Variants in DOCK2 observed in about 807,000 individuals in gnomAD.
DOCK2 encodes dedicator of cytokinesis 2, also known as dedicator of cytokinesis protein 2.
Under a neutral mutation model 248.9 loss-of-function variants are expected in DOCK2, and 87 were observed. The observed-to-expected ratio is 0.35, with a 90% confidence interval of 0.29 to 0.42. The LOEUF is 0.42. Ranked by LOEUF, DOCK2 falls within the 10% of genes least tolerant of loss-of-function variation. The pLI is 1.00. For synonymous variants in DOCK2, 805 were observed against 821.6 expected (o/e 0.98, Z 0.35); for missense variants, 1,747 against 2,300.2 (o/e 0.76, Z 4.92).
At chr5:169,708,066 G>T (rs987723178) in intron 14 of DOCK2, 103 bp from the exon 15 acceptor site, 4 of 1,188,976 alleles carry the variant, frequency 3.4e-6, no homozygotes, top group Non-Finnish European at 4.9e-6. Flanking sequence ...GGCAGGGTTG[G>T]CCCAGGCCCT....
At position 169,909,439 on chromosome 5, in the gene DOCK2, G is replaced by GT. The variant is rs955897690; in HGVS notation, c.2799+68593dup. ...TTGCAATGAATTTAAAAAAATCTAAGTTTTTTCTTTTTGAAGAAGAAAGTC... is the reference window on the plus strand; with the variant it reads ...TTGCAATGAATTTAAAAAAATCTAAGTTTTTTTCTTTTTGAAGAAGAAAGTC... On this transcript the variant is annotated intron_variant, in intron 27 of 51. Coordinates refer to ENST00000520908, the MANE Select transcript of DOCK2 (RefSeq NM_004946.3). Among the ~76,000 whole-genome samples the GT allele has an allele frequency of 1.1e-4, 16 of 152,254 alleles. No individual in the cohort carries two copies. The East Asian group carries it at 2.5e-3, about 24-fold the overall frequency.
At chr5:169,929,838 G>A (rs1775661669) in intron 27 of DOCK2, among the ~76,000 whole-genome samples, 1 of 151,936 alleles carries the variant, frequency 6.6e-6, no homozygotes, top group Admixed American at 6.6e-5. Context: ...CCTTATATGA[G>A]GATAGAAATC....
intron 26 of DOCK2, among the ~76,000 whole-genome samples, chr5:169,833,115 A>T (rs147480089): frequency 2.6e-3 from 392 of 152,274 alleles, no homozygotes; most frequent in African/African-American, 8.8e-3. Flanking sequence ...TGCAAACCCC[A>T]TCCTAAAGCT....
At chr5:169,881,596 A>G (rs1339018577) in intron 27 of DOCK2, among the ~76,000 whole-genome samples, 1 of 152,212 alleles carries the variant, frequency 6.6e-6, no homozygotes, top group Non-Finnish European at 1.5e-5. Flanking sequence ...GAATGTCACG[A>G]CAATAGGAGC....
At chr5:169,785,263 T>C (rs1456338275) in intron 25 of DOCK2, among the ~76,000 whole-genome samples, 1 of 152,202 alleles carries the variant, frequency 6.6e-6, no homozygotes, top group East Asian at 1.9e-4. Flanking sequence ...GAAACTAGTT[T>C]CATTTTTCAG....
intron 30 of DOCK2, among the ~76,000 whole-genome samples, chr5:170,005,476 A>G (rs895283654): frequency 9.2e-5 from 14 of 152,112 alleles, no homozygotes; most frequent in Non-Finnish European, 1.5e-5. Flanking sequence ...GCTACCATCA[A>G]CACCACCACT....
At chr5:169,947,303 G>A (rs923144021) in intron 27 of DOCK2, among the ~76,000 whole-genome samples, 1 of 152,242 alleles carries the variant, frequency 6.6e-6, no homozygotes, top group African/African-American at 2.4e-5. Context: ...GAGGAGATGG[G>A]TCTTGGAATA....
At position 169,637,320 on chromosome 5, in the gene DOCK2, C is replaced by T; in HGVS notation, c.-7C>T. 1 of 1,426,256 alleles carries T rather than the reference C, an allele frequency of 7.0e-7. No individual in the cohort carries two copies. The highest frequency in any genetic ancestry group is 9.2e-7 in the Non-Finnish European group (1 of 1,092,184). The allele number at this position is 1,426,256 out of a possible 1,614,324, so 88.4% of individuals were successfully genotyped here. ...CCCACGGGAGGACGCGAGGCCCCGGCCCAGCCATGGCCCCCTGGCGCAAAG... is the reference window on the plus strand; with the variant it reads ...CCCACGGGAGGACGCGAGGCCCCGGTCCAGCCATGGCCCCCTGGCGCAAAG... On this transcript the variant is annotated 5_prime_UTR_variant, in exon 1 of 52. Transcript: ENST00000520908.
In DOCK2 at chr5:169,825,839, AAAAAC is replaced by A. The variant is rs200941285; in HGVS notation, c.2704-14908_2704-14904del. Among the ~76,000 whole-genome samples, 829 of 149,040 alleles carry A rather than the reference AAAAAC, an allele frequency of 5.6e-3. 7 individuals carry two copies. The highest frequency in any genetic ancestry group is 0.019 in the African/African-American group (761 of 40,734). On this transcript the variant is annotated intron_variant, in intron 26 of 51. Transcript: ENST00000520908. Reference sequence around the variant, plus strand: ...TTGCATAACATTAAAAAAAAAAGAAAAAAACAAAACAAAAAAATCTCTCCTGGAAG... The same window carrying A: ...TTGCATAACATTAAAAAAAAAAGAAAAAAACAAAAAAATCTCTCCTGGAAG...
intron 33 of DOCK2, among the ~76,000 whole-genome samples, chr5:170,023,936 TA>T (rs768621679): frequency 1.1e-4 from 16 of 152,114 alleles, no homozygotes; most frequent in Non-Finnish European, 1.9e-4. Context: ...AACAAGATGA[TA>T]AAAATAGCCA....
Position 170,080,235 on chromosome 5 carries a change from G to A in DOCK2, c.5239G>A (p.Val1747Ile). 1 of 1,614,148 alleles carries A rather than the reference G, an allele frequency of 6.2e-7. No homozygotes were observed. The highest frequency in any genetic ancestry group is 8.5e-7 in the Non-Finnish European group (1 of 1,180,028). The part of the protein sequence containing the change: ...EHAAIPLKAS[V>I]LSQMSFASQS... ...TGCGGCCATCCCCCTCAAGGCGTCT[G>A]TCCTCTCTCAAATGAGCTTTGCCAG... The change falls in exon 50 of 52, where the codon GTC (valine) becomes ATC (isoleucine). Residue 1747 changes from valine (V) to isoleucine (I), a missense_variant. Physicochemically the swap from Val to Ile is conservative, Grantham distance 29. Transcript: ENST00000520908.
chr5:169,805,974 A>C (rs1767330878), intron 26 of DOCK2, among the ~76,000 whole-genome samples: 1 of 152,150 alleles, frequency 6.6e-6, no homozygotes, highest in Non-Finnish European at 1.5e-5. Flanking sequence ...TGTTATCACC[A>C]TTGAATTTGG....
chr5:170,045,649 G>A (rs759192575), intron 38 of DOCK2, among the ~76,000 whole-genome samples, 167 bp from the exon 39 acceptor site: 9 of 152,070 alleles, frequency 5.9e-5, no homozygotes, highest in African/African-American at 1.9e-4. Flanking sequence ...GAGGAAGGTC[G>A]TCCTCTCTAG....
At chr5:169,718,329 A>C (rs1000635351) in intron 21 of DOCK2, among the ~76,000 whole-genome samples, 1 of 152,158 alleles carries the variant, frequency 6.6e-6, no homozygotes, top group Non-Finnish European at 1.5e-5. Flanking sequence ...GTTCTATAGA[A>C]AGAAAAAGTT....
intron 27 of DOCK2, among the ~76,000 whole-genome samples, chr5:169,888,529 G>C (rs1773104043): frequency 6.6e-6 from 1 of 152,186 alleles, no homozygotes; most frequent in Admixed American, 6.5e-5. Context: ...AGTAGATACA[G>C]AAACATTGGA....
chr5:169,884,542 T>C (rs1772859555), intron 27 of DOCK2: 1 of 152,182 alleles, frequency 6.6e-6, no homozygotes, highest in South Asian at 2.1e-4. Context: ...TTTGGGGCCA[T>C]TGTTTTCTTT....
intron 46 of DOCK2, among the ~76,000 whole-genome samples, chr5:170,069,429 C>T (rs545389934): frequency 4.6e-5 from 7 of 152,342 alleles, no homozygotes; most frequent in African/African-American, 1.4e-4. Flanking sequence ...TTGGGTGTTG[C>T]ATGGTGCCAG....
intron 27 of DOCK2, among the ~76,000 whole-genome samples, chr5:169,842,043 A>G (rs1770010849): frequency 6.6e-6 from 1 of 152,248 alleles, no homozygotes; most frequent in Non-Finnish European, 1.5e-5. Flanking sequence ...GGATTGGACC[A>G]TATAGTTGCT....
At chr5:169,813,853 T>A (rs571212626) in intron 26 of DOCK2, among the ~76,000 whole-genome samples, 1 of 152,196 alleles carries the variant, frequency 6.6e-6, no homozygotes, top group Non-Finnish European at 1.5e-5. Flanking sequence ...GGACAATGAG[T>A]TGGGTACCAT....
Sources: gnomAD v4.1 joint callset for allele counts (sites outside exome capture counted in the v4.1 genomes callset) on GRCh38, gnomAD v4.1.1 for gene constraint, MANE v1.5 for transcripts, NCBI Gene and HGNC (gene_info 2026-07-23, HGNC 2026-07-21) for gene names.